Variants in CFAP210 observed in about 807,000 individuals in gnomAD.
CFAP210 encodes cilia- and flagella- associated protein 210.
the CFAP210 span, chr2:169,680,924 A>G: frequency 2.0e-3 from 2,366 of 1,198,024 alleles, 10 homozygotes; most frequent in Non-Finnish European, 2.5e-3. Flanking sequence ...CATGTAAAAA[A>G]ATTTATAAAA....
the CFAP210 span, among the ~76,000 whole-genome samples, chr2:169,671,092 C>A: frequency 6.6e-6 from 1 of 152,148 alleles, no homozygotes; most frequent in Non-Finnish European, 1.5e-5. Flanking sequence ...TTTTGGCAGG[C>A]CTTAAGGCAC....
the CFAP210 span, among the ~76,000 whole-genome samples, chr2:169,651,840 T>C: frequency 6.6e-6 from 1 of 151,762 alleles, no homozygotes; most frequent in African/African-American, 2.4e-5. Flanking sequence ...TTTAACTTGA[T>C]CTGTTTAAAT....
chr2:169,658,762 T>C, the CFAP210 span: 1 of 316,618 alleles, frequency 3.2e-6, no homozygotes, highest in Non-Finnish European at 6.2e-6. Context: ...GTCTGATCAT[T>C]CAAATGTTTT....
the CFAP210 span, among the ~76,000 whole-genome samples, chr2:169,671,170 C>A: frequency 2.0e-5 from 3 of 152,294 alleles, no homozygotes; most frequent in Admixed American, 1.3e-4. Flanking sequence ...CACAATGCCC[C>A]CTTTGTCTTT....
the CFAP210 span, among the ~76,000 whole-genome samples, chr2:169,655,215 C>T: frequency 2.6e-5 from 4 of 152,124 alleles, no homozygotes; most frequent in Admixed American, 2.0e-4. Flanking sequence ...TCATGAAAGC[C>T]TTGAACTCTG....
the CFAP210 span, among the ~76,000 whole-genome samples, chr2:169,663,970 C>A: frequency 5.3e-5 from 8 of 151,044 alleles, no homozygotes; most frequent in Admixed American, 5.3e-4. Context: ...GGGCGGATCA[C>A]CTGAGGTCAG....
chr2:169,664,982 C>T, the CFAP210 span, among the ~76,000 whole-genome samples: 9 of 152,174 alleles, frequency 5.9e-5, no homozygotes, highest in Non-Finnish European at 1.3e-4. Context: ...CCCAAGAAAA[C>T]TTGGTAGAAA....
the CFAP210 span, among the ~76,000 whole-genome samples, chr2:169,672,534 C>T: frequency 2.6e-5 from 4 of 152,134 alleles, no homozygotes; most frequent in Middle Eastern, 3.2e-3. Flanking sequence ...GCCAAAGGCC[C>T]AAGAGCCCCC....
the CFAP210 span, among the ~76,000 whole-genome samples, chr2:169,673,093 T>C: frequency 1.3e-5 from 2 of 152,210 alleles, no homozygotes; most frequent in African/African-American, 4.8e-5. Flanking sequence ...AAGGAATTTA[T>C]GCTGACGTCA....
the CFAP210 span, chr2:169,674,528 T>C: frequency 7.0e-7 from 1 of 1,428,716 alleles, no homozygotes; most frequent in Non-Finnish European, 9.4e-7. Flanking sequence ...GCTACATCCA[T>C]TATGAGAAAA....
chr2:169,674,666 A>C, the CFAP210 span: 2 of 1,609,946 alleles, frequency 1.2e-6, no homozygotes, highest in Admixed American at 1.7e-5. Context: ...TTCAATGTTG[A>C]GTTTCAACTG....
chr2:169,650,407 T>A, the CFAP210 span: 73 of 1,606,702 alleles, frequency 4.5e-5, no homozygotes, highest in East Asian at 1.3e-3. Context: ...TTTTTTCCCA[T>A]TCAGCCTCAG....
the CFAP210 span, chr2:169,650,366 G>C: frequency 2.4e-5 from 38 of 1,597,642 alleles, no homozygotes; most frequent in South Asian, 3.8e-4. Flanking sequence ...TTTTAATTCT[G>C]CTTTGTTTTT....
At chr2:169,649,096 G>T in the CFAP210 span, 2 of 1,202,568 alleles carry the variant, frequency 1.7e-6, no homozygotes, top group African/African-American at 3.1e-5. Flanking sequence ...CTTACCTGAT[G>T]AAACTGCTTG....
the CFAP210 span, among the ~76,000 whole-genome samples, chr2:169,676,881 T>C: frequency 6.6e-6 from 1 of 152,286 alleles, no homozygotes; most frequent in Admixed American, 6.5e-5. Context: ...AAAATAACCC[T>C]GCCTCTCAGT....
the CFAP210 span, chr2:169,650,264 G>C: frequency 1.5e-6 from 2 of 1,375,438 alleles, no homozygotes; most frequent in South Asian, 2.0e-5. Context: ...AGATGAGATG[G>C]AAAACACAGT....
At chr2:169,659,547 G>C in the CFAP210 span, among the ~76,000 whole-genome samples, 11 of 152,160 alleles carry the variant, frequency 7.2e-5, no homozygotes, top group African/African-American at 2.7e-4. Context: ...GACAGCACTA[G>C]GAGGATGGTG....
chr2:169,666,277 A>C, the CFAP210 span, among the ~76,000 whole-genome samples: 2 of 151,790 alleles, frequency 1.3e-5, no homozygotes, highest in African/African-American at 2.4e-5. Flanking sequence ...GTATTTATTG[A>C]ATTTCTACTA....
chr2:169,679,564 C>A, the CFAP210 span, among the ~76,000 whole-genome samples: 2 of 151,484 alleles, frequency 1.3e-5, no homozygotes, highest in African/African-American at 4.9e-5. Flanking sequence ...GCCTGTAGTC[C>A]CAGCTGCTCA....
Sources: allele counts gnomAD v4.1 joint callset (sites outside exome capture counted in the v4.1 genomes callset), GRCh38; gene constraint gnomAD v4.1.1; transcripts MANE v1.5; gene names NCBI Gene and HGNC (gene_info 2026-07-23, HGNC 2026-07-21).